Variants in ABCC12 observed in about 807,000 individuals in gnomAD.
The protein encoded by ABCC12 is ATP binding cassette subfamily C member 12.
In ABCC12, 142 loss-of-function variants were observed where a neutral mutation model predicts 151.1. That is an observed-to-expected ratio of 0.94 (90% CI 0.82 to 1.08). ABCC12 has a LOEUF of 1.08. Ranked by LOEUF, ABCC12 falls within the 50% of genes least tolerant of loss-of-function variation. The pLI is 0.00. For missense variants in ABCC12, 1,638 were observed against 1,691.1 expected (o/e 0.97, Z 0.55); for synonymous variants, 645 against 646.4 (o/e 1.00, Z 0.03).
chr16:48,097,299 G>A (rs1343064199), intron 23 of ABCC12, among the ~76,000 whole-genome samples: 1 of 151,886 alleles, frequency 6.6e-6, no homozygotes. Flanking sequence ...TTGTGGAATT[G>A]ACAATTGGCC....
rs549019138 is a variant in ABCC12, at chr16:48,111,113, T to A, written c.2281+323A>T. On this transcript the variant is annotated intron_variant, in intron 18 of 30. Coordinates refer to ENST00000311303, the MANE Select transcript of ABCC12 (RefSeq NM_001393797.1). Reference sequence around the variant, plus strand: ...AATAACTATTGAGCATCACTGTGTGTCAGGCAGTGTGCGAATCATTTTATG... The same window carrying A: ...AATAACTATTGAGCATCACTGTGTGACAGGCAGTGTGCGAATCATTTTATG... 4.6e-5 allele frequency among the ~76,000 whole-genome samples: 7 copies of A among 152,352 alleles called. No homozygotes were observed. In the South Asian group the frequency reaches 1.5e-3, roughly 32 times the overall value.
Position 48,111,794 on chromosome 16 carries a change from C to A in ABCC12, c.2106G>T (p.Leu702=), listed in dbSNP as rs764904316. ...RGRYAKLIHN[L]RGLQFKDPEH... ...GAGTTACCTTGAACTGCAATCCTCGCAGGTTGTGAATCAGTTTTGCATAGC... is the reference window on the plus strand; with the variant it reads ...GAGTTACCTTGAACTGCAATCCTCGAAGGTTGTGAATCAGTTTTGCATAGC... The change falls in exon 16 of 31, where the codon CTG becomes CTT. Residue 702 remains leucine, a synonymous_variant. Transcript: ENST00000311303. The A allele has an allele frequency of 1.9e-6, 3 of 1,614,070 alleles. No homozygotes were observed. In the African/African-American group the frequency reaches 4.0e-5, roughly 22 times the overall value.
At chr16:48,133,545 G>A in intron 9 of ABCC12, 142 bp downstream of exon 9, 1 of 798,640 alleles carries the variant, frequency 1.3e-6, no homozygotes, top group Non-Finnish European at 1.8e-6. Flanking sequence ...AAAAAAAAAA[G>A]TTGGAGTTGA....
chr16:48,114,487 T>A (rs1443657911), intron 15 of ABCC12, among the ~76,000 whole-genome samples: 1 of 152,142 alleles, frequency 6.6e-6, no homozygotes, highest in Non-Finnish European at 1.5e-5. Flanking sequence ...TTATGTAACA[T>A]GTTCTCTGCA....
At chr16:48,095,040 G>A (rs943247122) in intron 24 of ABCC12, among the ~76,000 whole-genome samples, 1 of 152,182 alleles carries the variant, frequency 6.6e-6, no homozygotes, top group Non-Finnish European at 1.5e-5. Context: ...AAAGAAGGGA[G>A]GAGAGTTTAG....
chr16:48,119,387 G>A (rs1963994769), intron 13 of ABCC12, among the ~76,000 whole-genome samples: 2 of 152,354 alleles, frequency 1.3e-5, no homozygotes, highest in Middle Eastern at 6.8e-3. Flanking sequence ...CATGTGCCCT[G>A]CATGCTGCAG....
chr16:48,111,813 G>T lies in ABCC12; in HGVS notation c.2087C>A (p.Ala696Glu). 6.2e-7 allele frequency: 1 copy of T among 1,614,162 alleles called. No homozygotes were observed. The change falls in exon 16 of 31, where the codon GCA (alanine) becomes GAA (glutamate). Residue 696 changes from alanine to glutamate, a missense_variant. Coordinates refer to ENST00000311303, the MANE Select transcript of ABCC12 (RefSeq NM_001393797.1). ...KELMEERGRY[A>E]KLIHNLRGLQ... is the part of the protein sequence containing the mutation. ...TCCTCGCAGGTTGTGAATCAGTTTT[G>T]CATAGCGCCCTCTCTCCTCCATTAA...
intron 12 of ABCC12, among the ~76,000 whole-genome samples, chr16:48,122,397 A>T (rs1440123009): frequency 6.6e-6 from 1 of 152,248 alleles, no homozygotes. Context: ...CCAGTTTTAT[A>T]TGACATCTTT....
Position 48,128,713 on chromosome 16 carries a change from G to T in ABCC12, c.1261C>A (p.Pro421Thr). 6.2e-7 allele frequency: 1 copy of T among 1,613,534 alleles called. No homozygotes were observed. The highest frequency in any genetic ancestry group is 1.3e-5 in the African/African-American group (1 of 74,936). ...TCTTCTGGTTGGGTGATGTAAGATG[G>T]GGGGCTTTTATCTATGAGAATTTTC... ...MKKILIDKSP[P>T]SYITQPEDPD... Residue 421 changes from proline (P) to threonine (T), a missense_variant, in exon 11 of 31, where the codon CCA (proline) becomes ACA (threonine). By Grantham distance (38) the Pro-to-Thr change is conservative. Coordinates refer to ENST00000311303, the MANE Select transcript of ABCC12 (RefSeq NM_001393797.1).
chr16:48,127,952 ATAAAAAATTT>A (rs1964294739), intron 11 of ABCC12, among the ~76,000 whole-genome samples: 3 of 152,128 alleles, frequency 2.0e-5, no homozygotes, highest in Admixed American at 2.0e-4. Flanking sequence ...CCCCTGGTAA[ATAAAAAATTT>A]TAAAAAATTA....
chr16:48,154,004 G>C (rs1288930545), intron 1 of ABCC12, 120 bp from the exon 2 acceptor site: 1 of 152,348 alleles, frequency 6.6e-6, no homozygotes, highest in Non-Finnish European at 1.5e-5. Context: ...TGAGAAATCT[G>C]TTTGCTGGCA....
At chr16:48,140,091 T>A (rs573374594) in intron 6 of ABCC12, among the ~76,000 whole-genome samples, 1 of 152,372 alleles carries the variant, frequency 6.6e-6, no homozygotes, top group Admixed American at 6.5e-5. Flanking sequence ...CATAATTAAA[T>A]GCTTTGAGCT....
chr16:48,144,957 T>A (rs919785568), intron 3 of ABCC12, among the ~76,000 whole-genome samples: 1 of 152,074 alleles, frequency 6.6e-6, no homozygotes, highest in Non-Finnish European at 1.5e-5. Flanking sequence ...CACAGAGAGT[T>A]TAGAGTATTT....
chr16:48,093,912 G>A (rs541307523), intron 24 of ABCC12, among the ~76,000 whole-genome samples: 2 of 152,264 alleles, frequency 1.3e-5, no homozygotes, highest in East Asian at 3.9e-4. Context: ...CATCCATCTG[G>A]GGAGTCTTCT....
rs764384645 is a variant in ABCC12, at chr16:48,104,311, G to T, written c.2731C>A (p.Arg911Ser). ...DTTPTGRLMN[R>S]FSKDMDELDV... ...AGCTCGTCCATATCCTTGGAAAAAC[G>T]GTTCATTAGCCTGCCAGTGGGAGTC... Residue 911 changes from arginine to serine, a missense_variant, in exon 22 of 31, where the codon CGT becomes AGT. By Grantham distance (110) the Arg-to-Ser change is moderately radical. Transcript: ENST00000311303. 2.5e-6 allele frequency: 4 copies of T among 1,614,086 alleles called. No homozygotes were observed. The highest frequency in any genetic ancestry group is 4.5e-5 in the East Asian group (2 of 44,898).
intron 11 of ABCC12, among the ~76,000 whole-genome samples, chr16:48,126,056 A>T (rs1248163519): frequency 6.6e-6 from 1 of 152,114 alleles, no homozygotes; most frequent in East Asian, 1.9e-4. Context: ...GCCTCCGTGA[A>T]CTTCCTGTGT....
chr16:48,123,338 C>A (rs982152643), intron 12 of ABCC12, among the ~76,000 whole-genome samples: 1 of 152,104 alleles, frequency 6.6e-6, no homozygotes, highest in African/African-American at 2.4e-5. Flanking sequence ...ACTCTCAGAG[C>A]GTGGGTGACC....
chr16:48,150,380 AAT>A, intron 2 of ABCC12, among the ~76,000 whole-genome samples: 1 of 152,344 alleles, frequency 6.6e-6, no homozygotes. Flanking sequence ...CAAATTGTAT[AAT>A]ATGAGTTTGG....
chr16:48,124,650 C>T (rs1316852999), intron 11 of ABCC12, among the ~76,000 whole-genome samples: 1 of 152,214 alleles, frequency 6.6e-6, no homozygotes, highest in Admixed American at 6.5e-5. Context: ...TAATGGGATG[C>T]AAAAGGCTGT....
Sources: allele counts gnomAD v4.1 joint callset (sites outside exome capture counted in the v4.1 genomes callset), GRCh38; gene constraint gnomAD v4.1.1; transcripts MANE v1.5; gene names NCBI Gene and HGNC (gene_info 2026-07-23, HGNC 2026-07-21).